ADGRL2: variants seen among roughly 807,000 people sequenced by gnomAD.
The protein encoded by ADGRL2 is calcium-independent alpha-latrotoxin receptor 2.
Under a neutral mutation model 157.4 loss-of-function variants are expected in ADGRL2, and 44 were observed. The observed-to-expected ratio is 0.28, with a 90% CI of 0.22 to 0.36. The LOEUF is 0.36. Among genes scored for constraint, ADGRL2 ranks in the 10% least tolerant of loss-of-function variants. The pLI is 1.00. For synonymous variants in ADGRL2, 585 were observed against 624.7 expected, an observed-to-expected ratio of 0.94 and a Z score of 0.95; for missense variants, 1,510 against 1,768.9, an observed-to-expected ratio of 0.85 and a Z score of 2.63.
chr1:81,965,395 C>T (rs1222353238), intron 11 of ADGRL2, among the ~76,000 whole-genome samples: 1 of 152,062 alleles, frequency 6.6e-6, no homozygotes, highest in Non-Finnish European at 1.5e-5. Context: ...TTCTATTTTG[C>T]CCAATTTGAA....
At chr1:81,442,383 C>T (rs1036282163) in intron 1 of ADGRL2, among the ~76,000 whole-genome samples, 4 of 152,110 alleles carry the variant, frequency 2.6e-5, no homozygotes, top group Non-Finnish European at 5.9e-5. Context: ...CACCAAATTA[C>T]ACAATAAAAT....
intron 1 of ADGRL2, among the ~76,000 whole-genome samples, chr1:81,821,756 G>A (rs891793870): frequency 6.6e-6 from 1 of 152,080 alleles, no homozygotes; most frequent in African/African-American, 2.4e-5. Context: ...ATCAAATTAG[G>A]AAAGAAACAT....
intron 2 of ADGRL2, among the ~76,000 whole-genome samples, chr1:81,856,034 CA>C (rs2093190624): frequency 6.6e-6 from 1 of 152,052 alleles, no homozygotes; most frequent in African/African-American, 2.4e-5. Flanking sequence ...TGCAGGCATC[CA>C]GGGGAGGTCA....
chr1:81,771,831 G>GA, intron 2 of ADGRL2, among the ~76,000 whole-genome samples: 1 of 152,162 alleles, frequency 6.6e-6, no homozygotes, highest in East Asian at 1.9e-4. Flanking sequence ...AGAATTAGAT[G>GA]AAAAAAGATT....
chr1:81,716,954 GAAT>G (rs1319293420), intron 1 of ADGRL2, among the ~76,000 whole-genome samples: 3 of 152,098 alleles, frequency 2.0e-5, no homozygotes, highest in Non-Finnish European at 4.4e-5. Context: ...CCAAAAATGG[GAAT>G]AATAACAGAC....
intron 3 of ADGRL2, among the ~76,000 whole-genome samples, chr1:81,618,052 G>A (rs1028460780): frequency 2.0e-5 from 3 of 149,346 alleles, no homozygotes; most frequent in African/African-American, 4.8e-5. Flanking sequence ...TATTGTTAAA[G>A]GTTATGTTGG....
chr1:81,905,471 A>G (rs770490877), intron 2 of ADGRL2, among the ~76,000 whole-genome samples: 3 of 152,164 alleles, frequency 2.0e-5, no homozygotes, highest in African/African-American at 4.8e-5. Context: ...ACGGTAACAC[A>G]CTCAACTATG....
rs371362886 is a variant in ADGRL2, at chr1:81,660,666, T to C, written c.-143+79686T>C. ...GTTTTCCTTTTTCAAAGGGGACCTT[T>C]GAAAAAGATCAAACAAAAAATTTAA... On this transcript the variant is annotated intron_variant, in intron 3 of 24. Transcript: ENST00000370721. Among the ~76,000 whole-genome samples, 78 of 152,254 alleles carry C rather than the reference T, an allele frequency of 5.1e-4. No individual in the cohort carries two copies. In the South Asian group the frequency reaches 0.016, roughly 31 times the overall value.
At chr1:81,321,414 G>A (rs1010582878) in intron 1 of ADGRL2, among the ~76,000 whole-genome samples, 3 of 152,166 alleles carry the variant, frequency 2.0e-5, no homozygotes, top group African/African-American at 7.2e-5. Context: ...GGCTCAACAT[G>A]TCTGAGCTTT....
At chr1:81,650,397 A>T (rs565740738) in intron 3 of ADGRL2, among the ~76,000 whole-genome samples, 1 of 151,718 alleles carries the variant, frequency 6.6e-6, no homozygotes, top group African/African-American at 2.4e-5. Flanking sequence ...TGGTAAAAAA[A>T]ACCCCATCTC....
intron 2 of ADGRL2, among the ~76,000 whole-genome samples, chr1:81,480,304 T>C (rs2078358582): frequency 6.7e-6 from 1 of 148,208 alleles, no homozygotes; most frequent in Admixed American, 6.8e-5. Context: ...TACAGCTAGA[T>C]AAGGTAAAAA....
At position 81,747,598 on chromosome 1, in the gene ADGRL2, G is replaced by A. The variant is rs138952247; in HGVS notation, c.-142-14213G>A. 7.9e-3 allele frequency among the ~76,000 whole-genome samples: 1,193 copies of A among 151,814 alleles called. 20 individuals carry two copies. Among genetic ancestry groups the A allele is most frequent in the African/African-American group, 0.028 (1,142 of 41,390 alleles). On this transcript the variant is annotated intron_variant, in intron 1 of 20. Transcript: ENST00000359929. ...ATTACAGGTGTGAGCCACCATGCCC[G>A]GCCTCAAATTATATTTTAAACATTA...
At chr1:81,375,244 C>T (rs2076229514) in intron 1 of ADGRL2, among the ~76,000 whole-genome samples, 1 of 152,146 alleles carries the variant, frequency 6.6e-6, no homozygotes, top group Non-Finnish European at 1.5e-5. Context: ...GTCAAGAAAA[C>T]TTCATAGAGG....
chr1:81,372,314 G>C (rs1000046397), intron 1 of ADGRL2, among the ~76,000 whole-genome samples: 2 of 152,160 alleles, frequency 1.3e-5, no homozygotes, highest in Non-Finnish European at 2.9e-5. Flanking sequence ...TACATTTAGA[G>C]CTCAGGAACC....
At chr1:81,862,844 C>T (rs1161237130) in intron 2 of ADGRL2, among the ~76,000 whole-genome samples, 1 of 152,016 alleles carries the variant, frequency 6.6e-6, no homozygotes, top group African/African-American at 2.4e-5. Flanking sequence ...TGATTCCTAC[C>T]CCATTCACAC....
chr1:81,865,549 G>T (rs1347495542), intron 2 of ADGRL2, among the ~76,000 whole-genome samples: 1 of 152,144 alleles, frequency 6.6e-6, no homozygotes, highest in African/African-American at 2.4e-5. Flanking sequence ...AATTTATTAT[G>T]TTTTCTCATG....
At chr1:81,425,406 C>G (rs1553163840) in intron 1 of ADGRL2, among the ~76,000 whole-genome samples, 1 of 112,244 alleles carries the variant, frequency 8.9e-6, no homozygotes, top group Non-Finnish European at 2.1e-5. Flanking sequence ...ATATTAGAAC[C>G]AATTAAAAAA....
intron 3 of ADGRL2, among the ~76,000 whole-genome samples, chr1:81,602,940 C>T (rs1297218800): frequency 4.0e-5 from 6 of 149,982 alleles, no homozygotes; most frequent in Non-Finnish European, 8.8e-5. Context: ...CAGAAACTAG[C>T]AGCACGAGAG....
At chr1:81,751,013 T>C (rs2085473054) in intron 1 of ADGRL2, among the ~76,000 whole-genome samples, 1 of 152,124 alleles carries the variant, frequency 6.6e-6, no homozygotes, top group South Asian at 2.1e-4. Flanking sequence ...AAATAGCTGA[T>C]TCCAGGGCTG....
Sources: gnomAD v4.1 joint callset for allele counts (sites outside exome capture counted in the v4.1 genomes callset) on GRCh38, gnomAD v4.1.1 for gene constraint, MANE v1.5 for transcripts, NCBI Gene and HGNC (gene_info 2026-07-23, HGNC 2026-07-21) for gene names.